Variants in DIDO1 observed in about 807,000 individuals in gnomAD.
The protein encoded by DIDO1 is death-inducer obliterator 1.
DIDO1 carries 16 observed loss-of-function variants against 99.4 expected under a neutral mutation model. The ratio of observed to expected loss-of-function variants is 0.16; its 90% CI spans 0.11 to 0.24. DIDO1 has a LOEUF of 0.24. Ranked by LOEUF, DIDO1 falls within the 10% of genes least tolerant of loss-of-function variation. DIDO1 has a pLI of 1.00. For synonymous variants in DIDO1, 1,366 were observed against 1,239.1 expected, an observed-to-expected ratio of 1.10 and a Z score of -2.15; for missense variants, 2,996 against 3,014.0, an observed-to-expected ratio of 0.99 and a Z score of 0.14.
chr20:62,905,491 C>G, intron 6 of DIDO1: 1 of 1,550,556 alleles, frequency 6.4e-7, no homozygotes, highest in Non-Finnish European at 8.7e-7. Flanking sequence ...GAAGCGTATA[C>G]AGCGCTGTTG....
rs117026654 is a variant in DIDO1, at chr20:62,898,108, C to T, written c.1589-1112G>A. 5.7e-3 allele frequency among the ~76,000 whole-genome samples: 862 copies of T among 152,318 alleles called. 11 individuals are homozygous for T. The highest frequency in any genetic ancestry group is 9.4e-3 in the Admixed American group (144 of 15,304). Reference sequence around the variant, plus strand: ...AGAATGTGACAGATGCTCCCAAGAGCGCTTCAGTTCTACCCAGGGACTGAA... The same window carrying T: ...AGAATGTGACAGATGCTCCCAAGAGTGCTTCAGTTCTACCCAGGGACTGAA... On this transcript the variant is annotated intron_variant, in intron 6 of 15. Transcript: ENST00000395343.
Position 62,881,100 on chromosome 20 carries a change from C to A in DIDO1, c.4856G>T (p.Trp1619Leu). The change falls in exon 16 of 16, where the codon TGG becomes TTG. Residue 1619 changes from tryptophan (W) to leucine (L), a missense_variant. This residue lies in a region of DIDO1 where 1,562 missense variants were observed against 1,412.6 expected (regional missense o/e 1.11). Coordinates refer to ENST00000395343, the MANE Select transcript of DIDO1 (RefSeq NM_001193369.2). This position sits in a 1 kb window ranked among gnomAD's most constrained non-coding sequence, Gnocchi z 8.3. ...PEEKEPASSP[W>L]ASGEKPPAGS... ...CGCTGGGGGCTTTTCGCCCGAAGCC[C>A]AGGGGGAAGAGGCTGGCTCTTTTTC... is the stretch of plus-strand genomic sequence containing the variant. The A allele has an allele frequency of 6.2e-7, 1 of 1,609,342 alleles. No homozygotes were observed. Among genetic ancestry groups the A allele is most frequent in the East Asian group, 2.2e-5 (1 of 44,842 alleles).
At position 62,896,699 on chromosome 20, in the gene DIDO1, G is replaced by C. The variant is rs1226382859; in HGVS notation, c.1886C>G (p.Pro629Arg). The C allele has an allele frequency of 1.2e-6, 2 of 1,613,828 alleles. No individual in the cohort carries two copies. Among genetic ancestry groups the C allele is most frequent in the East Asian group, 4.5e-5 (2 of 44,898 alleles). The part of the protein sequence containing the change: ...AAATAASKKF[P>R]GSAALVGAVR... ...GGCTCCCACCAAAGCAGCGGAGCCA[G>C]GGAACTTCTTGGAGGCAGCCGTTGC... Residue 629 changes from proline (P) to arginine (R), a missense_variant, in exon 7 of 16, where the codon CCT (proline) becomes CGT (arginine). By Grantham distance (103) the Pro-to-Arg change is moderately radical (BLOSUM62 -2). This residue lies in a region of DIDO1 where 898 missense variants were observed against 972.7 expected (regional missense o/e 0.92). Transcript: ENST00000395343. The surrounding 1 kb of genome is among the most constrained non-coding windows in gnomAD (Gnocchi z 4.4).
Position 62,895,245 on chromosome 20 carries a change from C to T in DIDO1, c.2215-80G>A. 3.7e-6 allele frequency: 5 copies of T among 1,349,964 alleles called. No homozygotes were observed. The South Asian group carries it at 6.0e-5, about 16-fold the overall frequency. The allele number at this position is 1,349,964 out of a possible 1,614,324, so 83.6% of individuals were successfully genotyped here. On this transcript the variant is annotated intron_variant, in intron 8 of 15. Coordinates refer to ENST00000395343, the MANE Select transcript of DIDO1 (RefSeq NM_001193369.2). ...AGAGAGCTTCTGGAAAACACAGCTG[C>T]CCAGAAGTTTAGCGGGCACAGGACA...
Position 62,894,615 on chromosome 20 carries a change from C to T in DIDO1, c.2437-67G>A. ...CAAACTCAGCTCCAAATTAACCACA[C>T]ACAAGAAAAGCAGTCTCATGGGATT... On this transcript the variant is annotated intron_variant, in intron 10 of 15. Transcript: ENST00000395343. This position sits in a 1 kb window ranked among gnomAD's most constrained non-coding sequence, Gnocchi z 4.4. The T allele has an allele frequency of 6.4e-7, 1 of 1,570,834 alleles. No individual in the cohort carries two copies. Among genetic ancestry groups the T allele is most frequent in the Non-Finnish European group, 8.6e-7 (1 of 1,163,178 alleles).
chr20:62,881,556 G>A lies in DIDO1; in HGVS notation c.4400C>T (p.Ala1467Val), dbSNP rs144581033. ...VERPAEPVAG[A>V]ATPSLVEQQK... ...TTGCTCCACCAGGGAGGGCGTCGCAGCCCCGGCCACCGGCTCGGCAGGCCT... is the reference window on the plus strand; with the variant it reads ...TTGCTCCACCAGGGAGGGCGTCGCAACCCCGGCCACCGGCTCGGCAGGCCT... Residue 1467 changes from alanine to valine, a missense_variant, in exon 16 of 16, where the codon GCT becomes GTT. Ala to Val is a moderately conservative substitution (Grantham distance 64). Coordinates refer to ENST00000395343, the MANE Select transcript of DIDO1 (RefSeq NM_001193369.2). This position sits in a 1 kb window ranked among gnomAD's most constrained non-coding sequence, Gnocchi z 8.3. The A allele has an allele frequency of 4.9e-4, 793 of 1,611,790 alleles. 3 individuals are homozygous for A. Among genetic ancestry groups the A allele is most frequent in the Non-Finnish European group, 2.1e-4 (253 of 1,180,032 alleles).
At chr20:62,899,526 T>C (rs752678697) in intron 6 of DIDO1, among the ~76,000 whole-genome samples, 13 of 152,176 alleles carry the variant, frequency 8.5e-5, no homozygotes, top group Non-Finnish European at 1.8e-4. Context: ...AAAACCCGAG[T>C]TGAGAGATGA....
rs183300286 is a variant in DIDO1, at chr20:62,907,966, A to G, written c.1162-607T>C. ...ATTTTTCAGTGTAAGTATGCCCCCCAAATTGCATGAAACATACTTTTTTTT... is the reference window on the plus strand; with the variant it reads ...ATTTTTCAGTGTAAGTATGCCCCCCGAATTGCATGAAACATACTTTTTTTT... On this transcript the variant is annotated intron_variant, in intron 4 of 15. Coordinates refer to ENST00000395343, the MANE Select transcript of DIDO1 (RefSeq NM_001193369.2). 3.6e-3 allele frequency among the ~76,000 whole-genome samples: 552 copies of G among 152,232 alleles called. 3 individuals carry two copies. Among genetic ancestry groups the G allele is most frequent in the African/African-American group, 0.012 (514 of 41,506 alleles).
intron 1 of DIDO1, among the ~76,000 whole-genome samples, chr20:62,922,125 C>T (rs903917643): frequency 7.0e-6 from 1 of 143,406 alleles, no homozygotes; most frequent in African/African-American, 2.7e-5. Flanking sequence ...CACACACACA[C>T]ATATATACAT....
chr20:62,922,019 A>AAT (rs1346603212), intron 1 of DIDO1, among the ~76,000 whole-genome samples: 1 of 149,612 alleles, frequency 6.7e-6, no homozygotes, highest in Non-Finnish European at 1.5e-5. Context: ...ATATCCACAC[A>AAT]ATATATATCC....
rs764916634 is a variant in DIDO1 at position 62,896,695 on chromosome 20, G to A, written c.1890C>T (p.Gly630=). The A allele has an allele frequency of 3.7e-6, 6 of 1,613,956 alleles. No individual in the cohort carries two copies. In the Admixed American group the frequency reaches 6.7e-5, roughly 18 times the overall value. The change falls in exon 7 of 16, where the codon GGC becomes GGT. Residue 630 remains glycine, a synonymous_variant. Coordinates refer to ENST00000395343, the MANE Select transcript of DIDO1 (RefSeq NM_001193369.2). This position sits in a 1 kb window ranked among gnomAD's most constrained non-coding sequence, Gnocchi z 4.4. ...TTACGGCTCCCACCAAAGCAGCGGA[G>A]CCAGGGAACTTCTTGGAGGCAGCCG... ...AATAASKKFP[G]SAALVGAVRK... is the part of the protein sequence containing the mutation.
Position 62,894,328 on chromosome 20 carries a change from C to A in DIDO1, c.2572+85G>T. Reference sequence around the variant, plus strand: ...CCTTCTGCGTGTTTAAGCTTACGTGCGGTTGCTTTTAGGAGGTTCAGTGAT... The same window carrying A: ...CCTTCTGCGTGTTTAAGCTTACGTGAGGTTGCTTTTAGGAGGTTCAGTGAT... On this transcript the variant is annotated intron_variant, in intron 11 of 15. Coordinates refer to ENST00000395343, the MANE Select transcript of DIDO1 (RefSeq NM_001193369.2). This position sits in a 1 kb window ranked among gnomAD's most constrained non-coding sequence, Gnocchi z 4.4. 6.3e-7 allele frequency: 1 copy of A among 1,585,018 alleles called. No homozygotes were observed. The highest frequency in any genetic ancestry group is 1.1e-5 in the South Asian group (1 of 89,786).
intron 15 of DIDO1, chr20:62,887,922 G>A (rs1002180059): frequency 8.1e-6 from 8 of 985,398 alleles, no homozygotes; most frequent in Non-Finnish European, 9.6e-6. Flanking sequence ...GCGGGGCAGA[G>A]GGGCAGAGGA....
chr20:62,914,533 G>A (rs1270731830), intron 1 of DIDO1, 127 bp from the exon 2 acceptor site: 5 of 152,260 alleles, frequency 3.3e-5, no homozygotes, highest in Non-Finnish European at 5.9e-5. Flanking sequence ...CACAAAGACA[G>A]CTTGGGGGTT....
chr20:62,891,854 T>A, intron 14 of DIDO1, 133 bp downstream of exon 14: 1 of 732,334 alleles, frequency 1.4e-6, no homozygotes, highest in Non-Finnish European at 2.2e-6. Flanking sequence ...TTTTTAACAT[T>A]CACCTGGAAA....
In DIDO1 at chr20:62,894,988, T is replaced by C; in HGVS notation, c.2331+61A>G. The C allele has an allele frequency of 1.9e-6, 3 of 1,597,824 alleles. No homozygotes were observed. Among genetic ancestry groups the C allele is most frequent in the Admixed American group, 3.4e-5 (2 of 59,496 alleles). ...AAAGCATCGCTTATGCAGCCGTCTATGAATTTATTTCTATTAAGCTCGAGT... is the reference window on the plus strand; with the variant it reads ...AAAGCATCGCTTATGCAGCCGTCTACGAATTTATTTCTATTAAGCTCGAGT... On this transcript the variant is annotated intron_variant, in intron 9 of 15. Coordinates refer to ENST00000395343, the MANE Select transcript of DIDO1 (RefSeq NM_001193369.2). The surrounding 1 kb of genome is among the most constrained non-coding windows in gnomAD (Gnocchi z 4.4).
chr20:62,899,057 A>G (rs1439411638), intron 6 of DIDO1, among the ~76,000 whole-genome samples: 1 of 152,140 alleles, frequency 6.6e-6, no homozygotes, highest in African/African-American at 2.4e-5. Flanking sequence ...GATGGAATGA[A>G]AAGGCCCAGC....
rs368929172 is a variant in DIDO1 at position 62,905,963 on chromosome 20, C to T, written c.1512G>A (p.Ser504=). The T allele has an allele frequency of 9.4e-5, 152 of 1,613,984 alleles. No individual in the cohort carries two copies. The highest frequency in any genetic ancestry group is 1.1e-4 in the Non-Finnish European group (135 of 1,180,044). Residue 504 remains serine (S), a synonymous_variant, in exon 6 of 16, where the codon TCG becomes TCA. Coordinates refer to ENST00000395343, the MANE Select transcript of DIDO1 (RefSeq NM_001193369.2). ...CATTGTAATTGTGATCGCTCGCCCA[C>T]GACGGCGTGCTGCTCTCACAAGCTG... The part of the protein sequence containing the change: ...KEAACESSTP[S]WASDHNYNAV...
Position 62,879,280 on chromosome 20 carries a change from G to T in DIDO1, c.6676C>A (p.Pro2226Thr). 6.3e-7 allele frequency: 1 copy of T among 1,576,202 alleles called. No homozygotes were observed. The highest frequency in any genetic ancestry group is 1.8e-5 in the Admixed American group (1 of 56,246). Residue 2226 changes from proline (P) to threonine (T), a missense_variant, in exon 16 of 16, where the codon CCC becomes ACC. This residue lies in a region of DIDO1 where 1,562 missense variants were observed against 1,412.6 expected (regional missense o/e 1.11). Transcript: ENST00000395343. The surrounding 1 kb of genome is among the most constrained non-coding windows in gnomAD (Gnocchi z 6.3). ...KSKESARDPK[P>T]EASRASDAGT... ...GCGTCGGAGGCCCTCGAGGCCTCGGGCTTCGGGTCCCGAGCGCTCTCTTTG... is the reference window on the plus strand; with the variant it reads ...GCGTCGGAGGCCCTCGAGGCCTCGGTCTTCGGGTCCCGAGCGCTCTCTTTG...
Sources: gnomAD v4.1 joint callset for allele counts (sites outside exome capture counted in the v4.1 genomes callset) on GRCh38, gnomAD v4.1.1 for gene constraint, gnomAD v4.1.1 regional missense constraint, Gnocchi (gnomAD v3.1) non-coding constraint, MANE v1.5 for transcripts, NCBI Gene and HGNC (gene_info 2026-07-23, HGNC 2026-07-21) for gene names.